Variants in SETBP1 observed in about 807,000 individuals in gnomAD.
SETBP1 encodes SET binding protein 1, also known as SET-binding protein.
Under a neutral mutation model 101.0 loss-of-function variants are expected in SETBP1, and 9 were observed. The observed-to-expected ratio is 0.09, with a 90% confidence interval of 0.05 to 0.16. The LOEUF is 0.16. Ranked by LOEUF, SETBP1 falls within the 10% of genes least tolerant of loss-of-function variation. SETBP1 has a pLI of 1.00. For missense variants in SETBP1, 1,858 were observed against 2,033.8 expected (o/e 0.91, Z 1.66); for synonymous variants, 818 against 788.5 (o/e 1.04, Z -0.63).
At chr18:44,760,380 A>G (rs1212799017) in intron 2 of SETBP1, among the ~76,000 whole-genome samples, 1 of 152,118 alleles carries the variant, frequency 6.6e-6, no homozygotes, top group East Asian at 1.9e-4. Flanking sequence ...ATCAGCCAGG[A>G]CCTGTTTAGA....
At chr18:45,046,029 T>G (rs965979166) in intron 5 of SETBP1, among the ~76,000 whole-genome samples, 1 of 151,570 alleles carries the variant, frequency 6.6e-6, no homozygotes, top group Non-Finnish European at 1.5e-5. Context: ...AAGGTCAAGT[T>G]GAATGCCACA....
chr18:44,736,555 C>A (rs1348052798), intron 2 of SETBP1, among the ~76,000 whole-genome samples: 1 of 152,322 alleles, frequency 6.6e-6, no homozygotes, highest in East Asian at 1.9e-4. Flanking sequence ...TGTGATATTT[C>A]TCTTTTTTGT....
chr18:44,854,410 C>T (rs1035072837), intron 2 of SETBP1, among the ~76,000 whole-genome samples: 5 of 152,180 alleles, frequency 3.3e-5, no homozygotes, highest in Non-Finnish European at 7.3e-5. Flanking sequence ...ATCCCAAACA[C>T]CTTTTGATTC....
chr18:44,939,892 G>T (rs2071048672), intron 3 of SETBP1, among the ~76,000 whole-genome samples: 1 of 152,212 alleles, frequency 6.6e-6, no homozygotes, highest in Non-Finnish European at 1.5e-5. Context: ...TTTTGCAGTT[G>T]TTGGGTGAGG....
intron 3 of SETBP1, among the ~76,000 whole-genome samples, chr18:44,912,193 T>G (rs1229042235): frequency 6.6e-6 from 1 of 152,146 alleles, no homozygotes; most frequent in Non-Finnish European, 1.5e-5. Flanking sequence ...TTGATAAATG[T>G]TGGGTTTTGA....
chr18:45,033,559 G>C (rs1317014676), intron 4 of SETBP1, among the ~76,000 whole-genome samples: 1 of 152,216 alleles, frequency 6.6e-6, no homozygotes, highest in Non-Finnish European at 1.5e-5. Context: ...GATGACTAAA[G>C]GGACCAACCA....
At chr18:44,864,538 T>C (rs1245378889) in intron 2 of SETBP1, among the ~76,000 whole-genome samples, 3 of 152,250 alleles carry the variant, frequency 2.0e-5, no homozygotes, top group African/African-American at 7.2e-5. Context: ...CCTCCTAATA[T>C]TTTGAATGTG....
chr18:44,876,810 A>G, intron 3 of SETBP1: 1 of 1,440,344 alleles, frequency 6.9e-7, no homozygotes, highest in Non-Finnish European at 9.2e-7. Context: ...CTTTCCATTC[A>G]ACAATGGAGA....
chr18:44,993,236 C>T (rs1010255777), intron 4 of SETBP1, among the ~76,000 whole-genome samples: 2 of 152,028 alleles, frequency 1.3e-5, no homozygotes, highest in Non-Finnish European at 1.5e-5. Context: ...CTTCTCTTTA[C>T]TATCAGAAAC....
chr18:44,976,551 G>A (rs1015871278), intron 4 of SETBP1, among the ~76,000 whole-genome samples: 27 of 152,172 alleles, frequency 1.8e-4, no homozygotes, highest in African/African-American at 6.0e-4. Flanking sequence ...CGTGTTTGGG[G>A]CCTTAGAATG....
intron 3 of SETBP1, among the ~76,000 whole-genome samples, chr18:44,885,857 C>G (rs3062868): frequency 1.3e-5 from 1 of 78,166 alleles, no homozygotes; most frequent in Non-Finnish European, 2.4e-5. Context: ...AAAAAAAAAA[C>G]AAAAAAAAAA....
At chr18:44,811,299 A>T (rs1291542715) in intron 2 of SETBP1, among the ~76,000 whole-genome samples, 1 of 152,262 alleles carries the variant, frequency 6.6e-6, no homozygotes, top group Non-Finnish European at 1.5e-5. Flanking sequence ...CCAGGCAGAG[A>T]TGTTTAAATG....
intron 2 of SETBP1, among the ~76,000 whole-genome samples, chr18:44,785,643 T>C (rs1321347999): frequency 6.6e-6 from 1 of 152,200 alleles, no homozygotes; most frequent in South Asian, 2.1e-4. Context: ...AGAACAAGTG[T>C]TATTAATCTG....
At position 44,977,459 on chromosome 18, in the gene SETBP1, C is replaced by T. The variant is rs150347951; in HGVS notation, c.4000+24119C>T. Reference sequence around the variant, plus strand: ...AATCATTCTGTAGAATGAGGGACCACGAGTGGGGAAATGCTTTTTGATGGA... The same window carrying T: ...AATCATTCTGTAGAATGAGGGACCATGAGTGGGGAAATGCTTTTTGATGGA... On this transcript the variant is annotated intron_variant, in intron 4 of 5. Coordinates refer to ENST00000649279, the MANE Select transcript of SETBP1 (RefSeq NM_015559.3). Among the ~76,000 whole-genome samples the T allele has an allele frequency of 3.5e-4, 54 of 152,244 alleles. No homozygotes were observed. The East Asian group carries it at 5.8e-3, about 16-fold the overall frequency.
rs550183743 is a variant in SETBP1, at chr18:45,063,700, G to A, written c.*2G>A. On this transcript the variant is annotated 3_prime_UTR_variant, in exon 6 of 6. Coordinates refer to ENST00000649279, the MANE Select transcript of SETBP1 (RefSeq NM_015559.3). ...AGTGAGAGCGAGGTCCTTCCCTAGGGCGGGTCTGGGCGTCTGCACCTGGGG... is the reference window on the plus strand; with the variant it reads ...AGTGAGAGCGAGGTCCTTCCCTAGGACGGGTCTGGGCGTCTGCACCTGGGG... 4 of 1,603,968 alleles carry A rather than the reference G, an allele frequency of 2.5e-6. No homozygotes were observed. In the Admixed American group the frequency reaches 6.8e-5, roughly 27 times the overall value.
At chr18:44,863,379 G>A (rs552063139) in intron 2 of SETBP1, among the ~76,000 whole-genome samples, 1 of 152,320 alleles carries the variant, frequency 6.6e-6, no homozygotes, top group South Asian at 2.1e-4. Flanking sequence ...CTGTGCCTCA[G>A]TTGCCATTTA....
chr18:44,882,122 A>G (rs2069543600), intron 3 of SETBP1, among the ~76,000 whole-genome samples: 1 of 152,136 alleles, frequency 6.6e-6, no homozygotes. Flanking sequence ...ATGGAAAGAG[A>G]TCAGAAAAAA....
At chr18:44,986,415 G>T (rs577087296) in intron 4 of SETBP1, 29 of 152,200 alleles carry the variant, frequency 1.9e-4, no homozygotes, top group African/African-American at 6.5e-4. Flanking sequence ...TACTATTATA[G>T]ATTTTATAAA....
intron 2 of SETBP1, among the ~76,000 whole-genome samples, chr18:44,777,856 T>G (rs905083734): frequency 6.6e-6 from 1 of 152,226 alleles, no homozygotes; most frequent in African/African-American, 2.4e-5. Context: ...TCTCAAGCAC[T>G]TTATTTGTCT....
Sources: gnomAD v4.1 joint callset for allele counts (sites outside exome capture counted in the v4.1 genomes callset) on GRCh38, gnomAD v4.1.1 for gene constraint, MANE v1.5 for transcripts, NCBI Gene and HGNC (gene_info 2026-07-23, HGNC 2026-07-21) for gene names.